PSD4: variants seen among roughly 807,000 people sequenced by gnomAD.
PSD4 encodes the protein PH and SEC7 domain-containing protein 4.
Under a neutral mutation model 112.5 loss-of-function variants are expected in PSD4, and 59 were observed. The ratio of observed to expected loss-of-function variants is 0.52; its 90% confidence interval spans 0.43 to 0.65. The LOEUF (loss-of-function observed/expected upper bound fraction) is 0.65, where lower values mean the gene tolerates loss of function less well. PSD4 is among the 30% of genes least tolerant of loss of function. The pLI is 0.00. For synonymous variants in PSD4, 533 were observed against 540.0 expected (o/e 0.99, Z 0.18); for missense variants, 1,267 against 1,352.6 (o/e 0.94, Z 0.99).
intron 8 of PSD4, 76 bp downstream of exon 8, chr2:113,193,446 G>A (rs1037487779): frequency 1.3e-6 from 2 of 1,494,954 alleles, no homozygotes; most frequent in Non-Finnish European, 1.9e-6. Context: ...TTCAGTAGGT[G>A]ACAGTGAACT....
At position 113,185,045 on chromosome 2, in the gene PSD4, G is replaced by A; in HGVS notation, c.1145G>A (p.Gly382Asp). The stretch of plus-strand genomic sequence containing the variant: ...TCAGGATGTGTCGGATCTGATCTTG[G>A]CCCTGCTGCACATCCTGTGCAACCT... ...WESGCVGSDL[G>D]PAAHPVQPWA... Residue 382 changes from glycine (G) to aspartate (D), a missense_variant, in exon 3 of 17, where the codon GGC (glycine) becomes GAC (aspartate). This residue lies in a region of PSD4 where 723 missense variants were observed against 704.0 expected (regional missense o/e 1.03). Coordinates refer to ENST00000245796, the MANE Select transcript of PSD4 (RefSeq NM_012455.3). 3.1e-6 allele frequency: 5 copies of A among 1,614,242 alleles called. No individual in the cohort carries two copies. Among genetic ancestry groups the A allele is most frequent in the Non-Finnish European group, 1.7e-6 (2 of 1,180,040 alleles).
Position 113,193,590 on chromosome 2 carries a change from A to G in PSD4, c.2033-2A>G. On this transcript the variant is annotated splice_acceptor_variant, in intron 8 of 16. Transcript: ENST00000245796. LOFTEE classifies it high-confidence loss of function. The stretch of plus-strand genomic sequence containing the variant: ...CTCTCCACTTACCTATCTCTGGGGT[A>G]GATTCTGTACACACCTTGACATGTG... The G allele has an allele frequency of 6.2e-7, 1 of 1,612,760 alleles. No homozygotes were observed. Among genetic ancestry groups the G allele is most frequent in the Non-Finnish European group, 8.5e-7 (1 of 1,178,716 alleles).
rs976903584 is a variant in PSD4 at position 113,203,933 on chromosome 2, C to G, written c.*2518C>G. 3.3e-5 allele frequency: 5 copies of G among 152,198 alleles called. No individual in the cohort carries two copies. Among genetic ancestry groups the G allele is most frequent in the Non-Finnish European group, 7.3e-5 (5 of 68,038 alleles). 9.4% of individuals were successfully genotyped at this position (152,198 alleles called of 1,614,324 possible). On this transcript the variant is annotated 3_prime_UTR_variant, in exon 17 of 17. Coordinates refer to ENST00000245796, the MANE Select transcript of PSD4 (RefSeq NM_012455.3). ...CATGTGTGTGTGACACTTTGATGCT[C>G]CTTTGCTCATGTAGAACCGGCACCT...
chr2:113,184,797 A>G (rs1397938566), intron 2 of PSD4, among the ~76,000 whole-genome samples, 160 bp from the exon 3 acceptor site: 2 of 152,096 alleles, frequency 1.3e-5, no homozygotes, highest in Admixed American at 1.3e-4. Context: ...CCCTCCCTAA[A>G]ACACAGCCCC....
Position 113,182,660 on chromosome 2 carries a change from C to T in PSD4, c.204C>T (p.Ser68=), listed in dbSNP as rs769605551. Residue 68 remains serine (S), a synonymous_variant, in exon 2 of 17, where the codon TCC becomes TCT. Coordinates refer to ENST00000245796, the MANE Select transcript of PSD4 (RefSeq NM_012455.3). The part of the protein sequence containing the change: ...PTRQNVPPWG[S]GVELTHLGSW... ...GACAAAATGTTCCTCCCTGGGGCTCCGGTGTGGAGCTCACACACCTGGGGA... is the reference window on the plus strand; with the variant it reads ...GACAAAATGTTCCTCCCTGGGGCTCTGGTGTGGAGCTCACACACCTGGGGA... The T allele has an allele frequency of 2.0e-5, 33 of 1,613,582 alleles. No homozygotes were observed. Among genetic ancestry groups the T allele is most frequent in the East Asian group, 8.9e-5 (4 of 44,830 alleles).
chr2:113,183,575 CG>C, intron 2 of PSD4, 63 bp downstream of exon 2: 3 of 1,403,732 alleles, frequency 2.1e-6, no homozygotes, highest in Non-Finnish European at 2.9e-6. Context: ...GGGTCTTCCT[CG>C]GGGGTCACCA....
In PSD4 at chr2:113,207,402, C is replaced by T. The variant is rs1345011108; in HGVS notation, c.*5987C>T. 6.6e-6 allele frequency: 1 copy of T among 151,580 alleles called. No homozygotes were observed. The highest frequency in any genetic ancestry group is 3.2e-3 in the Middle Eastern group (1 of 316). The allele number at this position is 151,580 out of a possible 1,614,324, so 9.4% of individuals were successfully genotyped here. ...AAGAGGCCTTCCCTAAGTCTTCCTC[C>T]TTCAGTTTCTATTACATGAAACTCT... On this transcript the variant is annotated 3_prime_UTR_variant, in exon 17 of 17. Transcript: ENST00000245796.
chr2:113,184,948 A>C lies in PSD4; in HGVS notation c.1057-9A>C, dbSNP rs1688251974. On this transcript the variant is annotated splice_polypyrimidine_tract_variant and intron_variant, in intron 2 of 16. Transcript: ENST00000245796. Reference sequence around the variant, plus strand: ...CCTTCTCTCCTCTGTCTCTCTCTCGACTTCTCAGGGAGATAGGCTTGGTCC... The same window carrying C: ...CCTTCTCTCCTCTGTCTCTCTCTCGCCTTCTCAGGGAGATAGGCTTGGTCC... The C allele has an allele frequency of 6.2e-7, 1 of 1,613,772 alleles. No homozygotes were observed. Among genetic ancestry groups the C allele is most frequent in the Non-Finnish European group, 8.5e-7 (1 of 1,179,930 alleles).
chr2:113,183,099 A>G lies in PSD4; in HGVS notation c.643A>G (p.Ser215Gly), dbSNP rs781069928. The G allele has an allele frequency of 2.5e-6, 4 of 1,613,636 alleles. No homozygotes were observed. Among genetic ancestry groups the G allele is most frequent in the Non-Finnish European group, 3.4e-6 (4 of 1,179,666 alleles). ...PPENEDSGEDSSEPEGEGQAW... is the reference protein window; with the variant it reads ...PPENEDSGEDGSEPEGEGQAW... ...TGAGAATGAAGACTCAGGGGAAGACAGCAGTGAGCCTGAGGGAGAGGGCCA... is the reference window on the plus strand; with the variant it reads ...TGAGAATGAAGACTCAGGGGAAGACGGCAGTGAGCCTGAGGGAGAGGGCCA... Residue 215 changes from serine to glycine, a missense_variant, in exon 2 of 17, where the codon AGC becomes GGC. Transcript: ENST00000245796.
At chr2:113,185,496 G>A in intron 4 of PSD4, 56 bp downstream of exon 4, 1 of 1,613,516 alleles carries the variant, frequency 6.2e-7, no homozygotes. Flanking sequence ...TTGGAATTTG[G>A]AGTGGGGACA....
Position 113,202,004 on chromosome 2 carries a change from ACT to A in PSD4, c.*590_*591del, listed in dbSNP as rs1192102451. ...GAGCAGGGTCGCTAAGGTCCTGCCC[ACT>A]GAGGGGACAGCCTTCTGGGCAGGGA... On this transcript the variant is annotated 3_prime_UTR_variant, in exon 17 of 17. Coordinates refer to ENST00000245796, the MANE Select transcript of PSD4 (RefSeq NM_012455.3). 4 of 153,584 alleles carry A rather than the reference ACT, an allele frequency of 2.6e-5. No individual in the cohort carries two copies. Among genetic ancestry groups the A allele is most frequent in the Non-Finnish European group, 5.8e-5 (4 of 69,112 alleles). 9.5% of individuals were successfully genotyped at this position (153,584 alleles called of 1,614,324 possible).
intron 2 of PSD4, among the ~76,000 whole-genome samples, chr2:113,184,161 A>G (rs748066695): frequency 2.0e-4 from 30 of 152,190 alleles, no homozygotes; most frequent in Non-Finnish European, 3.1e-4. Context: ...AGGAGACTCA[A>G]TATGGTAGAG....
intron 1 of PSD4, among the ~76,000 whole-genome samples, chr2:113,178,082 A>G (rs1688025639): frequency 6.6e-6 from 1 of 152,106 alleles, no homozygotes; most frequent in South Asian, 2.1e-4. Context: ...GCAAGGCATG[A>G]TGGCGGGTGC....
At position 113,198,843 on chromosome 2, in the gene PSD4, G is replaced by A. The variant is rs1481156638; in HGVS notation, c.2728G>A (p.Val910Met). The change falls in exon 15 of 17, where the codon GTG (valine) becomes ATG (methionine). Residue 910 changes from valine to methionine, a missense_variant. Coordinates refer to ENST00000245796, the MANE Select transcript of PSD4 (RefSeq NM_012455.3). ...PAAVGSQRRF[V>M]RPILPVGPAQ... The stretch of plus-strand genomic sequence containing the variant: ...CGCTGTGGGCTCCCAGCGCAGATTC[G>A]TGCGGCCCATCCTGCCCGTGGGCCC... 1.9e-6 allele frequency: 3 copies of A among 1,598,774 alleles called. No homozygotes were observed. In the Admixed American group the frequency reaches 5.0e-5, roughly 27 times the overall value.
intron 6 of PSD4, 21 bp from the exon 7 acceptor site, chr2:113,193,027 A>G (rs765665046): frequency 1.1e-5 from 18 of 1,610,488 alleles, no homozygotes; most frequent in African/African-American, 2.7e-5. Flanking sequence ...TGCAGACTCC[A>G]TGCCCCTTTT....
chr2:113,201,045 C>T (rs974265718), intron 16 of PSD4, 113 bp from the exon 17 acceptor site: 16 of 1,406,456 alleles, frequency 1.1e-5, no homozygotes, highest in Middle Eastern at 2.6e-4. Flanking sequence ...CTCTTTCTGT[C>T]GAGGTCTGTA....
intron 4 of PSD4, 88 bp from the exon 5 acceptor site, chr2:113,185,789 G>A (rs574569105): frequency 6.4e-7 from 1 of 1,552,228 alleles, no homozygotes; most frequent in South Asian, 1.2e-5. Context: ...CAGGGGAGGA[G>A]CCCCAGGGAG....
rs1562277 is a variant in PSD4 at position 113,182,703 on chromosome 2, G to T, written c.247G>T (p.Gly83Trp). 6.2e-7 allele frequency: 1 copy of T among 1,607,398 alleles called. No individual in the cohort carries two copies. Among genetic ancestry groups the T allele is most frequent in the Non-Finnish European group, 8.5e-7 (1 of 1,175,656 alleles). ...THLGSWVHQDGLEPCQEQTRA... is the reference protein window; with the variant it reads ...THLGSWVHQDWLEPCQEQTRA... ...CCTGGGGAGCTGGGTCCATCAGGAC[G>T]GGCTGGAGCCTTGCCAGGAGCAAAC... The change falls in exon 2 of 17, where the codon GGG (glycine) becomes TGG (tryptophan). Residue 83 changes from glycine (G) to tryptophan (W), a missense_variant. Transcript: ENST00000245796.
intron 15 of PSD4, 73 bp downstream of exon 15, chr2:113,198,957 G>C (rs1462438851): frequency 1.3e-6 from 2 of 1,532,036 alleles, no homozygotes; most frequent in Admixed American, 2.0e-5. Flanking sequence ...ACTAACTCGG[G>C]GAGGCTGGAG....
Sources: gnomAD v4.1 joint callset for allele counts (sites outside exome capture counted in the v4.1 genomes callset) on GRCh38, gnomAD v4.1.1 for gene constraint, gnomAD v4.1.1 regional missense constraint, MANE v1.5 for transcripts, NCBI Gene and HGNC (gene_info 2026-07-23, HGNC 2026-07-21) for gene names.